The following TBC1D14 variants were observed in gnomAD, a reference collection of about 807,000 sequenced individuals.
The protein encoded by TBC1D14 is TBC1 domain family member 14.
Under a neutral mutation model 79.0 loss-of-function variants are expected in TBC1D14, and 26 were observed. That is an observed-to-expected ratio of 0.33 (90% CI 0.24 to 0.46). TBC1D14 has a LOEUF of 0.46. Ranked by LOEUF, TBC1D14 falls within the 20% of genes least tolerant of loss-of-function variation. TBC1D14 has a pLI of 1.00. For missense variants in TBC1D14, 769 were observed against 887.6 expected, an observed-to-expected ratio of 0.87 and a Z score of 1.70; for synonymous variants, 394 against 349.9, an observed-to-expected ratio of 1.13 and a Z score of -1.40.
At chr4:6,942,344 C>T (rs1257942847) in intron 2 of TBC1D14, among the ~76,000 whole-genome samples, 3 of 152,116 alleles carry the variant, frequency 2.0e-5, no homozygotes, top group Non-Finnish European at 2.9e-5. Context: ...TTTGTAACTG[C>T]GAGCTGTTTC....
chr4:6,950,546 C>T (rs1299339067), intron 2 of TBC1D14, among the ~76,000 whole-genome samples: 1 of 151,708 alleles, frequency 6.6e-6, no homozygotes, highest in Non-Finnish European at 1.5e-5. Context: ...CCATAGGATA[C>T]CTTTTATCAG....
chr4:6,967,245 G>A lies in TBC1D14; in HGVS notation c.723-59G>A, dbSNP rs537685320. On this transcript the variant is annotated intron_variant, in intron 2 of 13. Transcript: ENST00000409757. ...TTGTTTTTATTAGAGTGGTTCTGCT[G>A]TTCTGGTGTTTCTTGAATTACCCAG... The A allele has an allele frequency of 5.2e-5, 83 of 1,595,170 alleles. No homozygotes were observed. The African/African-American group carries it at 8.2e-4, about 16-fold the overall frequency.
rs1157977497 is a variant in TBC1D14 at position 6,999,216 on chromosome 4, C to G, written c.1163+14C>G. The G allele has an allele frequency of 1.1e-5, 17 of 1,602,614 alleles. No individual in the cohort carries two copies. The highest frequency in any genetic ancestry group is 1.5e-5 in the Non-Finnish European group (17 of 1,169,854). On this transcript the variant is annotated intron_variant, in intron 6 of 13. Transcript: ENST00000409757. ...CTGGGAAACAATGTAAGATGTGGCT[C>G]TGGGTGTGGCTGAACTGCAGAGCAT...
At chr4:6,994,363 G>T (rs1718797432) in intron 4 of TBC1D14, 61 bp downstream of exon 4, 5 of 1,497,876 alleles carry the variant, frequency 3.3e-6, no homozygotes, top group Non-Finnish European at 3.7e-6. Context: ...AACTTGCTAA[G>T]CAGCTTTTCA....
At position 6,948,826 on chromosome 4, in the gene TBC1D14, A is replaced by C. The variant is rs560919636; in HGVS notation, c.723-18478A>C. Among the ~76,000 whole-genome samples, 11 of 151,028 alleles carry C rather than the reference A, an allele frequency of 7.3e-5. No homozygotes were observed. In the East Asian group the frequency reaches 2.2e-3, roughly 30 times the overall value. ...GCGATTCTTCTGCCTCAGCGTCCCAAGTAGCTGGGATTACAGGCGTGAGCC... is the reference window on the plus strand; with the variant it reads ...GCGATTCTTCTGCCTCAGCGTCCCACGTAGCTGGGATTACAGGCGTGAGCC... On this transcript the variant is annotated intron_variant, in intron 2 of 13. Transcript: ENST00000409757.
intron 1 of TBC1D14, among the ~76,000 whole-genome samples, chr4:6,920,756 G>T (rs551991335): frequency 2.6e-5 from 4 of 152,198 alleles, no homozygotes; most frequent in Admixed American, 2.6e-4. Flanking sequence ...CTCTTGTATG[G>T]ACCAGATTTG....
intron 2 of TBC1D14, among the ~76,000 whole-genome samples, chr4:6,957,538 G>T (rs146330752): frequency 6.6e-6 from 1 of 152,176 alleles, no homozygotes; most frequent in Non-Finnish European, 1.5e-5. Context: ...TATAGCGCTC[G>T]CCTCTTGCTT....
At chr4:6,992,604 A>G (rs1718618507) in intron 3 of TBC1D14, among the ~76,000 whole-genome samples, 1 of 152,258 alleles carries the variant, frequency 6.6e-6, no homozygotes, top group Non-Finnish European at 1.5e-5. Flanking sequence ...GGCTCAGCAG[A>G]TAAGTAGCAC....
intron 3 of TBC1D14, among the ~76,000 whole-genome samples, chr4:6,985,159 A>C (rs1362520214): frequency 6.6e-6 from 1 of 152,232 alleles, no homozygotes; most frequent in African/African-American, 2.4e-5. Context: ...TAAATACTTC[A>C]GCACACAGCT....
intron 10 of TBC1D14, 127 bp downstream of exon 10, chr4:7,010,075 CGTG>C (rs1720599889): frequency 2.9e-6 from 3 of 1,041,518 alleles, no homozygotes; most frequent in Non-Finnish European, 4.4e-6. Context: ...TGAAAAGTCT[CGTG>C]GTAAGTGAGT....
intron 3 of TBC1D14, among the ~76,000 whole-genome samples, chr4:6,977,934 C>G (rs796462216): frequency 1.5e-5 from 2 of 132,806 alleles, no homozygotes; most frequent in Admixed American, 7.5e-5. Flanking sequence ...CCGGCCGCCC[C>G]GTCTGAGAAG....
Position 7,025,125 on chromosome 4 carries a change from G to A in TBC1D14, c.1879G>A (p.Glu627Lys), listed in dbSNP as rs763421852. The part of the protein sequence containing the change: ...RTALGILKLF[E>K]DILTKMDFIH... ...GGCCCTGGGCATCCTGAAGCTGTTCGAGGACATCCTGACCAAGATGGACTT... is the reference window on the plus strand; with the variant it reads ...GGCCCTGGGCATCCTGAAGCTGTTCAAGGACATCCTGACCAAGATGGACTT... The change falls in exon 13 of 14, where the codon GAG (glutamate) becomes AAG (lysine). Residue 627 changes from glutamate to lysine, a missense_variant. Glu to Lys is a moderately conservative substitution (Grantham distance 56). This residue lies in a region of TBC1D14 where 367 missense variants were observed against 494.4 expected (regional missense o/e 0.74). Coordinates refer to ENST00000409757, the MANE Select transcript of TBC1D14 (RefSeq NM_020773.3). 12 of 1,614,116 alleles carry A rather than the reference G, an allele frequency of 7.4e-6. No individual in the cohort carries two copies. The highest frequency in any genetic ancestry group is 1.0e-5 in the Non-Finnish European group (12 of 1,180,050).
intron 3 of TBC1D14, among the ~76,000 whole-genome samples, chr4:6,977,036 T>C: frequency 1.6e-5 from 2 of 121,552 alleles, no homozygotes; most frequent in African/African-American, 6.3e-5. Context: ...CGCTCCCTCC[T>C]CTCCCTCTCC....
chr4:6,986,579 C>G (rs977945454), intron 3 of TBC1D14, among the ~76,000 whole-genome samples: 7 of 152,224 alleles, frequency 4.6e-5, no homozygotes, highest in Non-Finnish European at 8.8e-5. Flanking sequence ...GGCTAGGCCC[C>G]GTCACGGGAG....
At chr4:7,014,825 C>G (rs1721123057) in intron 12 of TBC1D14, among the ~76,000 whole-genome samples, 1 of 152,242 alleles carries the variant, frequency 6.6e-6, no homozygotes, top group Admixed American at 6.5e-5. Flanking sequence ...AGCACCCGGC[C>G]TGTGCAGGCC....
At chr4:6,999,784 C>T (rs548411392) in intron 6 of TBC1D14, among the ~76,000 whole-genome samples, 1 of 152,252 alleles carries the variant, frequency 6.6e-6, no homozygotes, top group African/African-American at 2.4e-5. Flanking sequence ...GTTCTGTGTG[C>T]ACACAGCTGT....
chr4:6,954,370 T>C (rs1159552026), intron 2 of TBC1D14: 1 of 717,372 alleles, frequency 1.4e-6, no homozygotes, highest in Non-Finnish European at 2.6e-6. Flanking sequence ...TTTCTTGCTG[T>C]TGGAACTGGA....
chr4:6,987,660 C>T (rs1490994073), intron 3 of TBC1D14: 2 of 343,430 alleles, frequency 5.8e-6, no homozygotes, highest in Non-Finnish European at 5.2e-6. Flanking sequence ...TTTGAGTCCT[C>T]CTTACCCTGT....
intron 3 of TBC1D14, among the ~76,000 whole-genome samples, chr4:6,982,402 T>C (rs1345538696): frequency 2.0e-5 from 3 of 152,180 alleles, no homozygotes; most frequent in Non-Finnish European, 4.4e-5. Context: ...GACAAAGTTG[T>C]AGTGATGGAG....
Sources: gnomAD v4.1 joint callset for allele counts (sites outside exome capture counted in the v4.1 genomes callset) on GRCh38, gnomAD v4.1.1 for gene constraint, gnomAD v4.1.1 regional missense constraint, MANE v1.5 for transcripts, NCBI Gene and HGNC (gene_info 2026-07-23, HGNC 2026-07-21) for gene names.